Variants in RPS24 observed in about 807,000 individuals in gnomAD.
RPS24 encodes the protein small ribosomal subunit protein eS24.
For missense variants in RPS24, 100 were observed against 162.5 expected, an observed-to-expected ratio of 0.62 and a Z score of 2.09; for synonymous variants, 72 against 55.6, an observed-to-expected ratio of 1.30 and a Z score of -1.31.
intron 4 of RPS24, chr10:78,038,893 A>G (rs1847933528): frequency 6.6e-6 from 1 of 152,140 alleles, no homozygotes; most frequent in Non-Finnish European, 1.5e-5. Context: ...AAGCCTTCCA[A>G]AGTGCTGGGA....
At chr10:78,037,054 C>G in intron 3 of RPS24, 140 bp from the exon 4 acceptor site, 2 of 950,328 alleles carry the variant, frequency 2.1e-6, no homozygotes, top group South Asian at 3.1e-5. Context: ...CCAGCAAAAA[C>G]ATGCATTAAA....
In RPS24 at chr10:78,033,898, C is replaced by G. The variant is rs370476367; in HGVS notation, c.-4C>G. The G allele has an allele frequency of 4.3e-6, 7 of 1,614,134 alleles. No individual in the cohort carries two copies. The highest frequency in any genetic ancestry group is 5.1e-6 in the Non-Finnish European group (6 of 1,179,992). Reference sequence around the variant, plus strand: ...CCTTGGCTGTCTGAAGATAGATCGCCATCATGGTGAGTCTCCCTGGGCCCG... The same window carrying G: ...CCTTGGCTGTCTGAAGATAGATCGCGATCATGGTGAGTCTCCCTGGGCCCG... On this transcript the variant is annotated 5_prime_UTR_variant, in exon 1 of 6. Transcript: ENST00000372360.
chr10:78,039,995 A>G (rs1847958355), intron 4 of RPS24: 3 of 652,232 alleles, frequency 4.6e-6, no homozygotes, highest in Admixed American at 4.4e-5. Context: ...TACAGTAATC[A>G]GGCAAGGCAT....
intron 4 of RPS24, among the ~76,000 whole-genome samples, chr10:78,050,255 C>T (rs1044510300): frequency 7.2e-5 from 11 of 152,258 alleles, no homozygotes; most frequent in East Asian, 3.9e-4. Context: ...TCCAAACTTC[C>T]GGCCAGATTA....
chr10:78,037,056 T>TG, intron 3 of RPS24, 138 bp from the exon 4 acceptor site: 1 of 958,076 alleles, frequency 1.0e-6, no homozygotes, highest in Non-Finnish European at 1.6e-6. Flanking sequence ...AGCAAAAACA[T>TG]GCATTAAATG....
chr10:78,049,328 T>C (rs577493992), intron 4 of RPS24: 1 of 152,472 alleles, frequency 6.6e-6, no homozygotes, highest in African/African-American at 2.4e-5. Flanking sequence ...AAATGTTCCC[T>C]GGGAAGCTAG....
intron 4 of RPS24, among the ~76,000 whole-genome samples, chr10:78,051,325 TAAATG>T (rs1273673884): frequency 6.6e-6 from 1 of 152,256 alleles, no homozygotes; most frequent in Non-Finnish European, 1.5e-5. Flanking sequence ...AAACTTCATA[TAAATG>T]AAATCATATA....
intron 1 of RPS24, chr10:78,034,142 T>C (rs1053607190): frequency 4.1e-6 from 2 of 485,382 alleles, no homozygotes; most frequent in Admixed American, 6.7e-5. Flanking sequence ...GTGCAGGAGC[T>C]GTTGCGCTTG....
intron 4 of RPS24, chr10:78,039,988 A>G: frequency 1.6e-6 from 1 of 643,064 alleles, no homozygotes. Flanking sequence ...TAAGAACTAC[A>G]GTAATCAGGC....
intron 4 of RPS24, chr10:78,037,901 ACTT>A (rs1348415720): frequency 3.8e-6 from 3 of 787,724 alleles, no homozygotes; most frequent in Non-Finnish European, 5.1e-6. Context: ...TGTTCTGTGA[ACTT>A]TTTTTTTTTT....
At chr10:78,036,679 C>T (rs1268835341) in intron 3 of RPS24, 1 of 159,144 alleles carries the variant, frequency 6.3e-6, no homozygotes, top group Non-Finnish European at 1.4e-5. Flanking sequence ...AGCTGAGATC[C>T]TTGTAAAGAT....
chr10:78,049,225 G>A (rs1401008688), intron 4 of RPS24: 3 of 152,158 alleles, frequency 2.0e-5, no homozygotes, highest in African/African-American at 7.2e-5. Flanking sequence ...GCTTTTTTAA[G>A]GTAACAAAAC....
chr10:78,044,409 T>A (rs1848020468), downstream of RPS24, among the ~76,000 whole-genome samples: 1 of 152,096 alleles, frequency 6.6e-6, no homozygotes, highest in Non-Finnish European at 1.5e-5. Flanking sequence ...ATCAACAAGA[T>A]GGAAGGCCCT....
chr10:78,055,264 C>G (rs1848139782), exon 5 of RPS24: 4 of 409,664 alleles, frequency 9.8e-6, no homozygotes, highest in Non-Finnish European at 1.7e-5. Flanking sequence ...ACATTTAAGG[C>G]TTTCCTTCCT....
chr10:78,043,596 C>CTA (rs61173997), downstream of RPS24, among the ~76,000 whole-genome samples: 27,973 of 152,124 alleles, frequency 0.18, 5,745 homozygotes, highest in African/African-American at 0.5. Context: ...TGACCACCTG[C>CTA]TGTGTCCCTG....
chr10:78,045,803 G>A (rs1023455601), intron 4 of RPS24, among the ~76,000 whole-genome samples: 3 of 151,522 alleles, frequency 2.0e-5, no homozygotes, highest in East Asian at 3.9e-4. Flanking sequence ...TCAGGAGTTC[G>A]AGACCAGCCT....
chr10:78,041,068 G>C (rs1000825155), downstream of RPS24, among the ~76,000 whole-genome samples: 15 of 151,834 alleles, frequency 9.9e-5, no homozygotes, highest in Non-Finnish European at 2.9e-5. Context: ...GATTGAACTC[G>C]GGCTCAAGCG....
chr10:78,037,090 A>T lies in RPS24; in HGVS notation c.280-104A>T, dbSNP rs191069156. The T allele has an allele frequency of 6.9e-5, 99 of 1,433,396 alleles. No homozygotes were observed. In the East Asian group the frequency reaches 1.1e-3, roughly 16 times the overall value. The allele number at this position is 1,433,396 out of a possible 1,614,324, so 88.8% of individuals were successfully genotyped here. A position where few individuals can be genotyped will look rare whatever the true frequency, so the allele number is the denominator to read the frequency against. The stretch of plus-strand genomic sequence containing the variant: ...TGTACTTGAAAAGTTTTGGTTTAGA[A>T]AGCTGTGTTTCTTAAGCTCAGACTG... On this transcript the variant is annotated intron_variant, in intron 3 of 5. Transcript: ENST00000372360.
chr10:78,037,511 T>C (rs1847898235), intron 4 of RPS24: 1 of 723,706 alleles, frequency 1.4e-6, no homozygotes. Flanking sequence ...GCCCACCCCT[T>C]GTCAGCTCAC....
Sources: gnomAD v4.1 joint callset for allele counts (sites outside exome capture counted in the v4.1 genomes callset) on GRCh38, gnomAD v4.1.1 for gene constraint, MANE v1.5 for transcripts, NCBI Gene and HGNC (gene_info 2026-07-23, HGNC 2026-07-21) for gene names.